DPP10: variants seen among roughly 807,000 people sequenced by gnomAD.
The protein encoded by DPP10 is dipeptidyl peptidase like 10, also known as inactive dipeptidyl peptidase 10.
Under a neutral mutation model 120.9 loss-of-function variants are expected in DPP10, and 33 were observed. The observed-to-expected ratio is 0.27, with a 90% confidence interval of 0.21 to 0.37. The LOEUF (loss-of-function observed/expected upper bound fraction) is 0.37. Ranked by LOEUF, DPP10 falls within the 10% of genes least tolerant of loss-of-function variation. DPP10 has a pLI of 1.00. For missense variants in DPP10, 816 were observed against 942.8 expected (o/e 0.87, Z 1.76); for synonymous variants, 337 against 326.1 (o/e 1.03, Z -0.36).
chr2:115,476,184 T>C (rs544457656), intron 3 of DPP10, among the ~76,000 whole-genome samples: 142 of 152,260 alleles, frequency 9.3e-4, no homozygotes, highest in African/African-American at 3.4e-3. Context: ...ACCTAAAGCC[T>C]GATTTGAGGT....
At chr2:114,619,230 A>G (rs1442518800) in intron 1 of DPP10, among the ~76,000 whole-genome samples, 1 of 152,098 alleles carries the variant, frequency 6.6e-6, no homozygotes. Flanking sequence ...GGTGACTTTT[A>G]AGGAAAAAAA....
At chr2:115,254,798 C>T (rs1272761314) in intron 1 of DPP10, among the ~76,000 whole-genome samples, 2 of 152,204 alleles carry the variant, frequency 1.3e-5, no homozygotes, top group Non-Finnish European at 2.9e-5. Context: ...TCTCCTTTGA[C>T]TCCATGTCTC....
At chr2:115,583,939 C>A (rs1235172499) in intron 5 of DPP10, among the ~76,000 whole-genome samples, 1 of 152,054 alleles carries the variant, frequency 6.6e-6, no homozygotes, top group Non-Finnish European at 1.5e-5. Context: ...TTTCCCTAGG[C>A]AAAAAGTGGA....
chr2:115,424,748 C>T (rs191687057), intron 3 of DPP10, among the ~76,000 whole-genome samples: 1 of 152,266 alleles, frequency 6.6e-6, no homozygotes, highest in African/African-American at 2.4e-5. Flanking sequence ...AATGATGGAA[C>T]ATAGGTAGCT....
At chr2:115,207,390 G>A (rs2056206509) in intron 1 of DPP10, among the ~76,000 whole-genome samples, 1 of 131,778 alleles carries the variant, frequency 7.6e-6, no homozygotes, top group South Asian at 2.5e-4. Flanking sequence ...AATGACTTGT[G>A]GGTTTTTAAA....
chr2:114,860,539 T>G (rs1256457585), intron 1 of DPP10, among the ~76,000 whole-genome samples: 2 of 152,254 alleles, frequency 1.3e-5, no homozygotes, highest in Non-Finnish European at 2.9e-5. Context: ...AAGGCATTTT[T>G]GTATAAGCAT....
At chr2:115,352,521 A>G (rs917678627) in intron 3 of DPP10, among the ~76,000 whole-genome samples, 2 of 152,196 alleles carry the variant, frequency 1.3e-5, no homozygotes, top group African/African-American at 4.8e-5. Flanking sequence ...ATTGACATTG[A>G]CATCTATCTT....
chr2:115,497,931 A>T (rs2076486054), intron 3 of DPP10, among the ~76,000 whole-genome samples: 2 of 150,360 alleles, frequency 1.3e-5, no homozygotes, highest in Admixed American at 6.8e-5. Context: ...CAGAAAGGAA[A>T]ACAGATAAAG....
At chr2:115,384,477 A>C (rs1469998485) in intron 3 of DPP10, among the ~76,000 whole-genome samples, 1 of 143,212 alleles carries the variant, frequency 7.0e-6, no homozygotes, top group East Asian at 2.0e-4. Context: ...AGGAAGAAGA[A>C]GGAAGAAGAA....
chr2:114,656,971 C>T (rs1697010631), intron 1 of DPP10, among the ~76,000 whole-genome samples: 1 of 152,074 alleles, frequency 6.6e-6, no homozygotes, highest in African/African-American at 2.4e-5. Context: ...CCGTTTTGAT[C>T]TCAGATCTTT....
chr2:115,127,854 C>T (rs75611655), intron 1 of DPP10, among the ~76,000 whole-genome samples: 1,882 of 152,140 alleles, frequency 0.012, 19 homozygotes, highest in Non-Finnish European at 0.021. Context: ...GTGTACACTT[C>T]GGAAAAAGTG....
At chr2:115,671,446 C>A (rs1339317086) in intron 5 of DPP10, among the ~76,000 whole-genome samples, 3 of 151,936 alleles carry the variant, frequency 2.0e-5, no homozygotes, top group Non-Finnish European at 2.9e-5. Flanking sequence ...AGTTTTCATT[C>A]AAAGTCTAGT....
At chr2:115,132,716 A>T (rs1221886758) in intron 1 of DPP10, among the ~76,000 whole-genome samples, 15 of 151,966 alleles carry the variant, frequency 9.9e-5, no homozygotes, top group Admixed American at 9.8e-4. Flanking sequence ...AGGTCTTTCT[A>T]GGGTCCCCTT....
intron 1 of DPP10, among the ~76,000 whole-genome samples, chr2:115,032,882 CAAAAAA>C (rs1380337520): frequency 1.2e-5 from 1 of 83,230 alleles, no homozygotes; most frequent in Non-Finnish European, 2.6e-5. Flanking sequence ...AAGACTCCGT[CAAAAAA>C]AAAAAAAAAA....
intron 1 of DPP10, among the ~76,000 whole-genome samples, chr2:114,549,852 C>G (rs1299589915): frequency 6.6e-6 from 1 of 151,936 alleles, no homozygotes; most frequent in Non-Finnish European, 1.5e-5. Context: ...TGTAAGAGAT[C>G]CTATCCTGGA....
intron 5 of DPP10, among the ~76,000 whole-genome samples, chr2:115,627,005 G>A (rs1480162296): frequency 6.6e-6 from 1 of 152,108 alleles, no homozygotes; most frequent in African/African-American, 2.4e-5. Context: ...ATACTCAATG[G>A]TTAATAGGAT....
intron 3 of DPP10, among the ~76,000 whole-genome samples, chr2:115,441,301 A>G (rs552805954): frequency 1.3e-5 from 2 of 152,340 alleles, no homozygotes; most frequent in African/African-American, 4.8e-5. Flanking sequence ...GGATTAACCT[A>G]GACTTGCAGC....
In DPP10 at chr2:115,810,910, C is replaced by T. The variant is rs144508404; in HGVS notation, c.1701-3883C>T. Among the ~76,000 whole-genome samples, 3 of 152,248 alleles carry T rather than the reference C, an allele frequency of 2.0e-5. No homozygotes were observed. The East Asian group carries it at 5.8e-4, about 29-fold the overall frequency. On this transcript the variant is annotated intron_variant, in intron 19 of 25. Coordinates refer to ENST00000410059, the MANE Select transcript of DPP10 (RefSeq NM_020868.6). ...ATTGGAGCTCAGCAATCTTGCACAGCCAATACACACATGAGTCGTGGTACC... is the reference window on the plus strand; with the variant it reads ...ATTGGAGCTCAGCAATCTTGCACAGTCAATACACACATGAGTCGTGGTACC...
chr2:115,320,228 A>G (rs987032596), intron 2 of DPP10, among the ~76,000 whole-genome samples: 1 of 152,110 alleles, frequency 6.6e-6, no homozygotes, highest in African/African-American at 2.4e-5. Context: ...CAAAGAATAT[A>G]TTTTTCCATC....
Sources: gnomAD v4.1 joint callset for allele counts (sites outside exome capture counted in the v4.1 genomes callset) on GRCh38, gnomAD v4.1.1 for gene constraint, MANE v1.5 for transcripts, NCBI Gene and HGNC (gene_info 2026-07-23, HGNC 2026-07-21) for gene names.